DLGAP1: variants seen among roughly 807,000 people sequenced by gnomAD.
The protein encoded by DLGAP1 is DLG associated protein 1, also known as disks large-associated protein 1.
Under a neutral mutation model 90.8 loss-of-function variants are expected in DLGAP1, and 11 were observed. The ratio of observed to expected loss-of-function variants is 0.12; its 90% CI spans 0.08 to 0.20. DLGAP1 has a LOEUF of 0.20. Ranked by LOEUF, DLGAP1 falls within the 10% of genes least tolerant of loss-of-function variation. DLGAP1 has a pLI of 1.00. For missense variants in DLGAP1, 1,050 were observed against 1,333.8 expected (o/e 0.79, Z 3.31); for synonymous variants, 558 against 540.7 (o/e 1.03, Z -0.44).
chr18:3,840,912 G>A (rs73372602), intron 4 of DLGAP1, among the ~76,000 whole-genome samples: 17,107 of 152,200 alleles, frequency 0.11, 1,044 homozygotes, highest in Middle Eastern at 0.13. Context: ...ACATTTTCCA[G>A]CTGACTGTGT....
At chr18:4,254,508 C>G (rs1775253655) in intron 1 of DLGAP1, among the ~76,000 whole-genome samples, 1 of 152,194 alleles carries the variant, frequency 6.6e-6, no homozygotes, top group African/African-American at 2.4e-5. Flanking sequence ...TAAACTCAAT[C>G]AGGACTTCTC....
At position 4,115,509 on chromosome 18, in the gene DLGAP1, G is replaced by T. The variant is rs186281947; in HGVS notation, c.-159+35671C>A. Among the ~76,000 whole-genome samples, 801 of 105,776 alleles carry T rather than the reference G, an allele frequency of 7.6e-3. 11 individuals are homozygous for T. Among genetic ancestry groups the T allele is most frequent in the African/African-American group, 0.036 (747 of 21,022 alleles). The allele number at this position is 105,776 out of a possible 152,430, so 69.4% of individuals were successfully genotyped here. Reference sequence around the variant, plus strand: ...TTCTTTCTTTCTTTTTTTTTGAGACGGAGTCTTGCTCTGTTGCCCAGGCTG... The same window carrying T: ...TTCTTTCTTTCTTTTTTTTTGAGACTGAGTCTTGCTCTGTTGCCCAGGCTG... On this transcript the variant is annotated intron_variant, in intron 2 of 12. Coordinates refer to ENST00000315677, the MANE Select transcript of DLGAP1 (RefSeq NM_004746.4).
At chr18:4,270,844 C>T (rs1026073659) in intron 1 of DLGAP1, among the ~76,000 whole-genome samples, 1 of 152,178 alleles carries the variant, frequency 6.6e-6, no homozygotes, top group African/African-American at 2.4e-5. Flanking sequence ...ATGCTGTTTG[C>T]AGATGTTGAC....
intron 7 of DLGAP1, among the ~76,000 whole-genome samples, chr18:3,706,775 G>A (rs2061446177): frequency 6.6e-6 from 1 of 151,940 alleles, no homozygotes; most frequent in Admixed American, 6.6e-5. Context: ...AGCCAGAAGG[G>A]TATGTTGACT....
At chr18:3,562,691 C>T (rs1255048512) in intron 9 of DLGAP1, among the ~76,000 whole-genome samples, 2 of 148,726 alleles carry the variant, frequency 1.3e-5, no homozygotes, top group African/African-American at 4.9e-5. Context: ...ATTACAGACA[C>T]GCGCCACCAC....
At chr18:4,004,446 C>T (rs967177999) in intron 3 of DLGAP1, among the ~76,000 whole-genome samples, 3 of 151,998 alleles carry the variant, frequency 2.0e-5, no homozygotes, top group East Asian at 1.9e-4. Flanking sequence ...TGTTCTTTAC[C>T]GGGATGTTAA....
intron 7 of DLGAP1, among the ~76,000 whole-genome samples, chr18:3,638,714 A>G (rs1056723375): frequency 6.6e-6 from 1 of 152,232 alleles, no homozygotes; most frequent in Non-Finnish European, 1.5e-5. Flanking sequence ...GAAAATTTTA[A>G]GAATAATATC....
At chr18:4,424,891 C>G (rs8092340) in intron 1 of DLGAP1, among the ~76,000 whole-genome samples, 151,909 of 152,256 alleles carry the variant, frequency 1, 75,781 homozygotes, top group Middle Eastern at 1. Context: ...CTAGCAGCAT[C>G]CATCTAACAT....
intron 1 of DLGAP1, among the ~76,000 whole-genome samples, chr18:4,199,203 C>T (rs567165663): frequency 6.6e-6 from 1 of 152,232 alleles, no homozygotes; most frequent in South Asian, 2.1e-4. Context: ...CTGCCTGGAC[C>T]TTCTGTCCTG....
chr18:4,184,744 A>C (rs934234332), intron 1 of DLGAP1, among the ~76,000 whole-genome samples: 7 of 152,044 alleles, frequency 4.6e-5, no homozygotes, highest in African/African-American at 1.7e-4. Flanking sequence ...ATTTTGCCAT[A>C]CTAAACTAAA....
chr18:3,969,914 C>G (rs1327985872), intron 3 of DLGAP1, among the ~76,000 whole-genome samples: 2 of 152,114 alleles, frequency 1.3e-5, no homozygotes, highest in South Asian at 4.1e-4. Flanking sequence ...TGATAAAGGG[C>G]CTTCTTAAGA....
At chr18:3,935,762 A>G (rs1242614968) in intron 3 of DLGAP1, among the ~76,000 whole-genome samples, 1 of 152,236 alleles carries the variant, frequency 6.6e-6, no homozygotes, top group East Asian at 1.9e-4. Context: ...GGGGACTGTC[A>G]TGATCAGAGA....
chr18:3,525,678 C>T (rs2051571283), intron 10 of DLGAP1, among the ~76,000 whole-genome samples: 1 of 152,236 alleles, frequency 6.6e-6, no homozygotes, highest in African/African-American at 2.4e-5. Context: ...GGATTATAGG[C>T]ATGAGCCACT....
At chr18:4,239,572 TA>T (rs1454004556) in intron 1 of DLGAP1, among the ~76,000 whole-genome samples, 1 of 152,158 alleles carries the variant, frequency 6.6e-6, no homozygotes, top group Non-Finnish European at 1.5e-5. Context: ...AATACTGCTT[TA>T]AAAAATAGTC....
chr18:4,382,030 G>C (rs1386358308), intron 1 of DLGAP1, among the ~76,000 whole-genome samples: 2 of 152,118 alleles, frequency 1.3e-5, no homozygotes, highest in Non-Finnish European at 2.9e-5. Context: ...CAAAAGAATA[G>C]CACGGGAAAG....
intron 7 of DLGAP1, among the ~76,000 whole-genome samples, chr18:3,610,123 T>C (rs2057533484): frequency 6.6e-6 from 1 of 152,088 alleles, no homozygotes; most frequent in South Asian, 2.1e-4. Flanking sequence ...TCAATTCATA[T>C]GTCCTCTCCT....
At chr18:4,280,852 C>T (rs1227849172) in intron 1 of DLGAP1, 1 of 152,144 alleles carries the variant, frequency 6.6e-6, no homozygotes, top group Non-Finnish European at 1.5e-5. Context: ...GACTGATTAG[C>T]TTTGATAAAG....
chr18:4,011,426 G>A (rs1278589816), intron 2 of DLGAP1, among the ~76,000 whole-genome samples: 12 of 152,120 alleles, frequency 7.9e-5, no homozygotes, highest in African/African-American at 2.9e-4. Flanking sequence ...GCATATTTCA[G>A]ACAGAGCAAT....
chr18:3,945,101 C>T (rs1599198680), intron 3 of DLGAP1, among the ~76,000 whole-genome samples: 1 of 152,200 alleles, frequency 6.6e-6, no homozygotes, highest in Admixed American at 6.5e-5. Flanking sequence ...CTGAATCCCA[C>T]ATGCTCTTAA....
Sources: allele counts gnomAD v4.1 joint callset (sites outside exome capture counted in the v4.1 genomes callset), GRCh38; gene constraint gnomAD v4.1.1; transcripts MANE v1.5; gene names NCBI Gene and HGNC (gene_info 2026-07-23, HGNC 2026-07-21).